SSH2: variants seen among roughly 807,000 people sequenced by gnomAD.
The protein encoded by SSH2 is slingshot protein phosphatase 2.
Under a neutral mutation model 135.2 loss-of-function variants are expected in SSH2, and 37 were observed. The observed-to-expected ratio is 0.27, with a 90% CI of 0.21 to 0.36. SSH2 has a LOEUF of 0.36. Ranked by LOEUF, SSH2 falls within the 10% of genes least tolerant of loss-of-function variation. SSH2 has a pLI of 1.00. For missense variants in SSH2, 1,408 were observed against 1,765.3 expected (o/e 0.80, Z 3.63); for synonymous variants, 628 against 646.2 (o/e 0.97, Z 0.43).
At chr17:29,865,186 CTT>C (rs1024412681) in intron 1 of SSH2, among the ~76,000 whole-genome samples, 4 of 152,234 alleles carry the variant, frequency 2.6e-5, no homozygotes, top group East Asian at 1.9e-4. Flanking sequence ...CAAAAACAGA[CTT>C]AATATTCTAA....
chr17:29,808,475 T>C (rs2042386501), intron 2 of SSH2, among the ~76,000 whole-genome samples: 1 of 152,130 alleles, frequency 6.6e-6, no homozygotes, highest in African/African-American at 2.4e-5. Flanking sequence ...AAGTTATACT[T>C]TGGGAGTCTG....
At chr17:29,649,272 G>A (rs911682862) in intron 13 of SSH2, among the ~76,000 whole-genome samples, 1 of 151,498 alleles carries the variant, frequency 6.6e-6, no homozygotes, top group African/African-American at 2.4e-5. Context: ...TGGGTGCCCC[G>A]TACGTCTCTC....
At chr17:29,706,481 CTT>C (rs1278675244) in intron 3 of SSH2, among the ~76,000 whole-genome samples, 2 of 152,286 alleles carry the variant, frequency 1.3e-5, no homozygotes, top group East Asian at 3.9e-4. Flanking sequence ...AGCCTTCTCT[CTT>C]GTTACAACCG....
chr17:29,703,925 G>C (rs1176949916), intron 3 of SSH2, among the ~76,000 whole-genome samples: 1 of 152,174 alleles, frequency 6.6e-6, no homozygotes, highest in Non-Finnish European at 1.5e-5. Context: ...AGTTAAGAGC[G>C]CAGGCTCTGA....
chr17:29,740,420 T>C (rs1371196845), intron 3 of SSH2, among the ~76,000 whole-genome samples: 1 of 150,070 alleles, frequency 6.7e-6, no homozygotes, highest in Non-Finnish European at 1.5e-5. Context: ...CCTTCCTGTC[T>C]ATTCTTTTTC....
At chr17:29,894,673 A>G (rs952356609) in intron 1 of SSH2, among the ~76,000 whole-genome samples, 20 of 152,080 alleles carry the variant, frequency 1.3e-4, no homozygotes, top group African/African-American at 4.8e-4. Context: ...AGGACTAACT[A>G]TTTACCTCCA....
intron 1 of SSH2, among the ~76,000 whole-genome samples, chr17:29,916,230 CAT>C: frequency 6.6e-6 from 1 of 152,190 alleles, no homozygotes; most frequent in East Asian, 1.9e-4. Context: ...TTTGTGAATA[CAT>C]GTTTATTTGG....
At chr17:29,867,513 T>C (rs1220176533) in intron 1 of SSH2, among the ~76,000 whole-genome samples, 2 of 152,208 alleles carry the variant, frequency 1.3e-5, no homozygotes, top group Non-Finnish European at 2.9e-5. Flanking sequence ...ATGATCACTG[T>C]ATGTGTGCAA....
At chr17:29,728,481 A>T (rs2040075465) in intron 3 of SSH2, among the ~76,000 whole-genome samples, 1 of 152,224 alleles carries the variant, frequency 6.6e-6, no homozygotes, top group South Asian at 2.1e-4. Context: ...ACACAAAACA[A>T]TCTAAAGATT....
chr17:29,649,271 C>G (rs983585343), intron 13 of SSH2, among the ~76,000 whole-genome samples: 2 of 152,118 alleles, frequency 1.3e-5, no homozygotes, highest in Non-Finnish European at 2.9e-5. Context: ...CTGGGTGCCC[C>G]GTACGTCTCT....
At chr17:29,862,102 C>T (rs560983612) in intron 1 of SSH2, among the ~76,000 whole-genome samples, 3 of 152,196 alleles carry the variant, frequency 2.0e-5, no homozygotes, top group South Asian at 2.1e-4. Context: ...AGGCTTTTTT[C>T]GTGATAAATG....
At chr17:29,795,029 A>G (rs1271846132) in intron 2 of SSH2, among the ~76,000 whole-genome samples, 1 of 152,206 alleles carries the variant, frequency 6.6e-6, no homozygotes, top group Non-Finnish European at 1.5e-5. Flanking sequence ...GTAGAAGGAG[A>G]AAAATAATCT....
At chr17:29,666,810 C>T in intron 11 of SSH2, 57 bp downstream of exon 11, 1 of 1,527,716 alleles carries the variant, frequency 6.5e-7, no homozygotes, top group Non-Finnish European at 8.9e-7. Flanking sequence ...TTACCCCTGC[C>T]CATGAGTCCA....
intron 2 of SSH2, among the ~76,000 whole-genome samples, chr17:29,800,232 G>A (rs1342229044): frequency 2.0e-5 from 3 of 151,838 alleles, no homozygotes; most frequent in Non-Finnish European, 4.4e-5. Context: ...AAAAAACTAA[G>A]CATATCAAAG....
chr17:29,929,015 G>C (rs2151496368), intron 1 of SSH2, among the ~76,000 whole-genome samples: 1 of 152,182 alleles, frequency 6.6e-6, no homozygotes, highest in African/African-American at 2.4e-5. Flanking sequence ...TTGCCCCACT[G>C]GTGCAATATA....
chr17:29,797,180 C>T (rs1288042740), intron 2 of SSH2, among the ~76,000 whole-genome samples: 1 of 151,572 alleles, frequency 6.6e-6, no homozygotes, highest in African/African-American at 2.4e-5. Flanking sequence ...ATCTTAAGTG[C>T]GCCATTTAAT....
intron 1 of SSH2, among the ~76,000 whole-genome samples, chr17:29,871,240 G>A (rs1344228778): frequency 4.0e-5 from 6 of 151,598 alleles, no homozygotes; most frequent in Admixed American, 2.6e-4. Flanking sequence ...CTGCACAAAT[G>A]TTTGCAGATA....
At chr17:29,717,801 G>A (rs1418779680) in intron 3 of SSH2, among the ~76,000 whole-genome samples, 5 of 152,348 alleles carry the variant, frequency 3.3e-5, no homozygotes, top group Non-Finnish European at 1.5e-5. Context: ...TCTGGAGGAT[G>A]AGGTGGAAGG....
chr17:29,702,396 T>C (rs1174382335), intron 4 of SSH2, among the ~76,000 whole-genome samples: 1 of 151,082 alleles, frequency 6.6e-6, no homozygotes, highest in Non-Finnish European at 1.5e-5. Flanking sequence ...GGCTGAAGTC[T>C]GTAATCCCAG....
Sources: allele counts gnomAD v4.1 joint callset (sites outside exome capture counted in the v4.1 genomes callset), GRCh38; gene constraint gnomAD v4.1.1; transcripts MANE v1.5; gene names NCBI Gene and HGNC (gene_info 2026-07-23, HGNC 2026-07-21).